Variants in SHANK2 observed in about 807,000 individuals in gnomAD.
SHANK2 encodes the protein SH3 and multiple ankyrin repeat domains 2.
A neutral mutation model predicts 133.7 loss-of-function variants in SHANK2; 43 were observed. That is an observed-to-expected ratio of 0.32 (90% CI 0.25 to 0.41). The LOEUF (loss-of-function observed/expected upper bound fraction) is 0.41, where lower values mean the gene tolerates loss of function less well. Ranked by LOEUF, SHANK2 falls within the 10% of genes least tolerant of loss-of-function variation. The probability of loss-of-function intolerance (pLI) is 1.00; values close to 1 mark genes in which losing one functional copy is unlikely to be tolerated. For missense variants in SHANK2, 1,994 were observed against 2,235.8 expected (o/e 0.89, Z 2.18); for synonymous variants, 1,017 against 952.8 (o/e 1.07, Z -1.24).
intron 6 of SHANK2, 25 bp from the exon 7 acceptor site, chr11:71,094,713 T>TTAG: frequency 6.5e-7 from 1 of 1,546,150 alleles, no homozygotes; most frequent in Non-Finnish European, 8.8e-7. Context: ...CACACACACT[T>TTAG]TAGAACCAAC....
intron 10 of SHANK2, among the ~76,000 whole-genome samples, chr11:70,912,261 T>TA (rs1456620266): frequency 1.3e-5 from 2 of 152,134 alleles, no homozygotes; most frequent in African/African-American, 4.8e-5. Flanking sequence ...TTATATAAGC[T>TA]AAAATCATGC....
intron 6 of SHANK2, among the ~76,000 whole-genome samples, chr11:71,096,981 G>A (rs1951626408): frequency 6.6e-6 from 1 of 152,188 alleles, no homozygotes; most frequent in Non-Finnish European, 1.5e-5. Context: ...GTGCCAGGCA[G>A]TTAAAGGTGG....
At chr11:71,176,109 C>G (rs1953438960) in intron 2 of SHANK2, among the ~76,000 whole-genome samples, 1 of 152,174 alleles carries the variant, frequency 6.6e-6, no homozygotes, top group Non-Finnish European at 1.5e-5. Context: ...ATTCATGGGG[C>G]AGTGAACATA....
At position 70,739,349 on chromosome 11, in the gene SHANK2, G is replaced by A. The variant is rs1555034253; in HGVS notation, c.1778-40586C>T. 6.6e-6 allele frequency among the ~76,000 whole-genome samples: 1 copy of A among 152,202 alleles called. No homozygotes were observed. The highest frequency in any genetic ancestry group is 1.9e-4 in the East Asian group (1 of 5,194). ...ATCTCCACCTCCCCACAGAAGGGAG[G>A]AGGCCAGGAGGTGGACAATGAAGAC... On this transcript the variant is annotated intron_variant, in intron 14 of 25. Coordinates refer to ENST00000601538, the MANE Select transcript of SHANK2 (RefSeq NM_012309.5). This position sits in a 1 kb window ranked among gnomAD's most constrained non-coding sequence, Gnocchi z 4.3.
At chr11:70,541,353 C>T (rs542467272) in intron 17 of SHANK2, among the ~76,000 whole-genome samples, 3 of 152,374 alleles carry the variant, frequency 2.0e-5, no homozygotes, top group African/African-American at 7.2e-5. Flanking sequence ...GGAATAGCCA[C>T]CGGCCCCCCA....
intron 20 of SHANK2, among the ~76,000 whole-genome samples, chr11:70,501,525 C>A (rs1479350235): frequency 6.6e-6 from 1 of 152,226 alleles, no homozygotes; most frequent in Non-Finnish European, 1.5e-5. Context: ...TACATGCCAT[C>A]TCTGTGTGTT....
intron 17 of SHANK2, among the ~76,000 whole-genome samples, chr11:70,589,112 C>T (rs10899216): frequency 0.27 from 41,697 of 152,164 alleles, 6,111 homozygotes; most frequent in African/African-American, 0.36. Context: ...CCACTGCGCC[C>T]GGCCAAGACA....
intron 1 of SHANK2, among the ~76,000 whole-genome samples, chr11:71,250,790 G>A (rs1473092816): frequency 6.6e-6 from 1 of 152,124 alleles, no homozygotes; most frequent in Non-Finnish European, 1.5e-5. Flanking sequence ...CTTTTCCAGG[G>A]GCGCAGAACT....
At chr11:70,537,175 G>A (rs575286074) in intron 17 of SHANK2, among the ~76,000 whole-genome samples, 31 of 152,246 alleles carry the variant, frequency 2.0e-4, no homozygotes, top group African/African-American at 7.0e-4. Context: ...CTGCAGGGGT[G>A]TCCCCAACAG....
chr11:70,709,712 C>T (rs558403826), intron 14 of SHANK2, among the ~76,000 whole-genome samples: 4 of 152,190 alleles, frequency 2.6e-5, no homozygotes, highest in Non-Finnish European at 4.4e-5. Flanking sequence ...AGCGTGTGGC[C>T]GTGGCAGAGA....
intron 5 of SHANK2, among the ~76,000 whole-genome samples, chr11:71,111,215 G>A (rs758607178): frequency 1.6e-4 from 24 of 152,220 alleles, no homozygotes; most frequent in Non-Finnish European, 2.1e-4. Flanking sequence ...CAGCTGGGCC[G>A]CTGGAGCACT....
chr11:70,514,962 CT>C (rs2059246933), intron 17 of SHANK2, among the ~76,000 whole-genome samples: 1 of 152,198 alleles, frequency 6.6e-6, no homozygotes, highest in Admixed American at 6.5e-5. Flanking sequence ...TGTCCGTACA[CT>C]TTCAATACAA....
chr11:70,921,604 G>C (rs148417597), intron 10 of SHANK2, among the ~76,000 whole-genome samples: 1 of 152,346 alleles, frequency 6.6e-6, no homozygotes, highest in East Asian at 1.9e-4. Flanking sequence ...AAGAAATGGA[G>C]GGCAGGGCCC....
At chr11:70,707,396 A>AAAG (rs1945686942) in intron 14 of SHANK2, among the ~76,000 whole-genome samples, 1 of 106,962 alleles carries the variant, frequency 9.3e-6, no homozygotes, top group Non-Finnish European at 2.1e-5. Flanking sequence ...AAAAAAAAAA[A>AAAG]AGAGAGAGAG....
intron 10 of SHANK2, among the ~76,000 whole-genome samples, chr11:70,908,741 G>T (rs1292024654): frequency 6.6e-6 from 1 of 152,202 alleles, no homozygotes; most frequent in Non-Finnish European, 1.5e-5. Flanking sequence ...TGAACCAGGG[G>T]TTGGCGGTGG....
intron 14 of SHANK2, among the ~76,000 whole-genome samples, chr11:70,703,490 T>G (rs1003599781): frequency 1.1e-4 from 16 of 152,046 alleles, no homozygotes; most frequent in Non-Finnish European, 2.1e-4. Context: ...CCCCCAGTGT[T>G]ACAGTGCACA....
chr11:70,931,015 G>A (rs1950496686), intron 10 of SHANK2, among the ~76,000 whole-genome samples: 1 of 152,048 alleles, frequency 6.6e-6, no homozygotes, highest in African/African-American at 2.4e-5. Context: ...ATGGATAAAT[G>A]GATGCACAAA....
At chr11:71,096,503 A>G (rs1188120130) in intron 6 of SHANK2, among the ~76,000 whole-genome samples, 3 of 152,178 alleles carry the variant, frequency 2.0e-5, no homozygotes, top group Admixed American at 1.3e-4. Context: ...TCCAGGCTGA[A>G]GCACGAGTGT....
chr11:70,665,392 C>T (rs1375606876), intron 15 of SHANK2, among the ~76,000 whole-genome samples: 4 of 98,302 alleles, frequency 4.1e-5, no homozygotes, highest in South Asian at 2.9e-4. Flanking sequence ...GCTCCCTTCT[C>T]AGCCTCCAAG....
Sources: gnomAD v4.1 joint callset for allele counts (sites outside exome capture counted in the v4.1 genomes callset) on GRCh38, gnomAD v4.1.1 for gene constraint, Gnocchi (gnomAD v3.1) non-coding constraint, MANE v1.5 for transcripts, NCBI Gene and HGNC (gene_info 2026-07-23, HGNC 2026-07-21) for gene names.